Variants in ZNF678 observed in about 807,000 individuals in gnomAD.
The protein encoded by ZNF678 is zinc finger protein 678, also known as hypothetical protein MGC42493.
Under a neutral mutation model 3.0 loss-of-function variants are expected in ZNF678, and 5 were observed. The ratio of observed to expected loss-of-function variants is 1.69; its 90% CI spans 0.88 to 3.56. ZNF678 has a LOEUF of 3.56. Ranked by LOEUF, ZNF678 falls within the 30% of genes most tolerant of loss-of-function variation. The pLI, the probability that ZNF678 is intolerant of heterozygous loss-of-function variation, is 0.00. For synonymous variants in ZNF678, 218 were observed against 199.6 expected, an observed-to-expected ratio of 1.09 and a Z score of -0.78; for missense variants, 593 against 605.0, an observed-to-expected ratio of 0.98 and a Z score of 0.21.
chr1:227,654,176 A>G (rs941218023), intron 3 of ZNF678, among the ~76,000 whole-genome samples, 160 bp from the exon 4 acceptor site: 2 of 151,996 alleles, frequency 1.3e-5, no homozygotes, highest in Non-Finnish European at 2.9e-5. Context: ...TGGTCAGTAT[A>G]TTTTTGTTAA....
intron 1 of ZNF678, among the ~76,000 whole-genome samples, chr1:227,587,336 A>C (rs1443773963): frequency 6.6e-6 from 1 of 151,292 alleles, no homozygotes; most frequent in African/African-American, 2.4e-5. Flanking sequence ...TAGGAGGCAA[A>C]ACAAAACAAA....
At chr1:227,593,000 C>T (rs769959271) in intron 1 of ZNF678, among the ~76,000 whole-genome samples, 4 of 152,242 alleles carry the variant, frequency 2.6e-5, no homozygotes, top group Non-Finnish European at 5.9e-5. Flanking sequence ...GGTAAGTTTT[C>T]TCCTTGTCGT....
chr1:227,654,719 G>T lies in ZNF678; in HGVS notation c.469G>T (p.Glu157Ter). 2 of 1,613,134 alleles carry T rather than the reference G, an allele frequency of 1.2e-6. No individual in the cohort carries two copies. Among genetic ancestry groups the T allele is most frequent in the Non-Finnish European group, 8.5e-7 (1 of 1,179,398 alleles). Residue 157 changes from glutamate to a stop codon, truncating the protein, a stop_gained, in exon 4 of 4, where the codon GAA (glutamate) becomes TAA (stop). Transcript: ENST00000343776. LOFTEE classifies it low-confidence loss of function (END_TRUNC). ...HTGEKPYKCD[E>*]CGKVFNWWSQ... is the part of the protein sequence containing the mutation. ...TGGAGAGAAACCCTACAAATGTGAC[G>T]AATGTGGCAAAGTTTTTAATTGGTG...
intron 5 of ZNF678, among the ~76,000 whole-genome samples, chr1:227,670,811 CCT>C (rs910822152): frequency 2.6e-5 from 4 of 152,154 alleles, no homozygotes; most frequent in African/African-American, 4.8e-5. Context: ...CCATTCAACC[CCT>C]GTTTACTGCC....
At chr1:227,623,706 CTT>C (rs1658336705) in intron 1 of ZNF678, among the ~76,000 whole-genome samples, 1 of 152,084 alleles carries the variant, frequency 6.6e-6, no homozygotes, top group Admixed American at 6.6e-5. Flanking sequence ...TGCTGCATAA[CTT>C]TTGTAGTACA....
rs1310769683 is a variant in ZNF678, at chr1:227,655,311, G to T, written c.1061G>T (p.Cys354Phe). 1.2e-6 allele frequency: 2 copies of T among 1,611,140 alleles called. No homozygotes were observed. The highest frequency in any genetic ancestry group is 2.7e-5 in the African/African-American group (2 of 74,840). Residue 354 changes from cysteine (C) to phenylalanine (F), a missense_variant, in exon 4 of 4, where the codon TGT becomes TTT. Physicochemically the swap from Cys to Phe is radical, Grantham distance 205. Transcript: ENST00000343776. Reference protein sequence around the residue: ...TGEKPYKCEECGRTFTQFSNL... With the variant: ...TGEKPYKCEEFGRTFTQFSNL... ...GAGAAACCCTACAAATGTGAAGAAT[G>T]TGGCAGAACCTTTACTCAATTCTCA...
chr1:227,608,690 C>G (rs1170323350), intron 1 of ZNF678, among the ~76,000 whole-genome samples: 1 of 152,110 alleles, frequency 6.6e-6, no homozygotes, highest in African/African-American at 2.4e-5. Context: ...TATATAACAG[C>G]AAGTTTCTTC....
At chr1:227,598,600 A>G in intron 1 of ZNF678, 1 of 617,634 alleles carries the variant, frequency 1.6e-6, no homozygotes, top group East Asian at 3.2e-5. Flanking sequence ...TTGGATGATA[A>G]AGGTTTATCT....
intron 1 of ZNF678, among the ~76,000 whole-genome samples, chr1:227,580,655 C>T (rs892492510): frequency 2.0e-5 from 3 of 152,132 alleles, no homozygotes; most frequent in Non-Finnish European, 4.4e-5. Flanking sequence ...AAAGGCCAGG[C>T]ACGGTGGCTA....
At chr1:227,626,766 G>A (rs1052863639) in intron 1 of ZNF678, among the ~76,000 whole-genome samples, 4 of 152,144 alleles carry the variant, frequency 2.6e-5, no homozygotes, top group African/African-American at 7.2e-5. Context: ...CCTGAGGATT[G>A]TGGCCTCCGG....
In ZNF678 at chr1:227,656,397, T is replaced by C. The variant is rs1261711772; in HGVS notation, c.*569T>C. 1 of 151,888 alleles carries C rather than the reference T, an allele frequency of 6.6e-6. No individual in the cohort carries two copies. The highest frequency in any genetic ancestry group is 2.4e-5 in the African/African-American group (1 of 41,420). 9.4% of individuals were successfully genotyped at this position (151,888 alleles called of 1,614,324 possible). Reference sequence around the variant, plus strand: ...GCACAGTTACATTCATGTTATACTTTTTTGCATTAAAAGTTTTTATATTTT... The same window carrying C: ...GCACAGTTACATTCATGTTATACTTCTTTGCATTAAAAGTTTTTATATTTT... On this transcript the variant is annotated 3_prime_UTR_variant, in exon 4 of 4. Coordinates refer to ENST00000343776, the MANE Select transcript of ZNF678 (RefSeq NM_001367909.1).
At chr1:227,574,262 T>C (rs1656932146) in intron 1 of ZNF678, among the ~76,000 whole-genome samples, 1 of 152,232 alleles carries the variant, frequency 6.6e-6, no homozygotes, top group African/African-American at 2.4e-5. Context: ...TCTTCCACAA[T>C]AGCTGAACTA....
chr1:227,674,684 A>C (rs1337532957), intron 5 of ZNF678, among the ~76,000 whole-genome samples: 1 of 150,528 alleles, frequency 6.6e-6, no homozygotes, highest in African/African-American at 2.4e-5. Context: ...CTCACTGCAA[A>C]CTCTGCCTCC....
intron 1 of ZNF678, among the ~76,000 whole-genome samples, chr1:227,570,459 T>C (rs774790461): frequency 6.6e-6 from 1 of 152,230 alleles, no homozygotes; most frequent in East Asian, 1.9e-4. Context: ...TCAAAGGGCC[T>C]GTCTTCTCAA....
In ZNF678 at chr1:227,655,191, T is replaced by C; in HGVS notation, c.941T>C (p.Ile314Thr). ...QFASLTRHKR[I>T]HTGEKPYQCE... is the part of the protein sequence containing the mutation. ...GCAAGCCTTACTCGTCATAAAAGAA[T>C]TCATACTGGAGAAAAACCCTACCAA... is the stretch of plus-strand genomic sequence containing the variant. Residue 314 changes from isoleucine to threonine, a missense_variant, in exon 4 of 4, where the codon ATT becomes ACT. Coordinates refer to ENST00000343776, the MANE Select transcript of ZNF678 (RefSeq NM_001367909.1). The C allele has an allele frequency of 6.2e-7, 1 of 1,612,708 alleles. No individual in the cohort carries two copies. The highest frequency in any genetic ancestry group is 8.5e-7 in the Non-Finnish European group (1 of 1,179,464).
chr1:227,667,439 T>C (rs1197856144), downstream of ZNF678, among the ~76,000 whole-genome samples: 3 of 152,168 alleles, frequency 2.0e-5, no homozygotes, highest in East Asian at 1.9e-4. Flanking sequence ...CCTGCTGATA[T>C]ATAAATACCT....
At chr1:227,677,714 T>C (rs1270806784), downstream of ZNF678, among the ~76,000 whole-genome samples, 3 of 152,202 alleles carry the variant, frequency 2.0e-5, no homozygotes, top group Non-Finnish European at 2.9e-5. Context: ...CAGATAAATA[T>C]CTTTTCCCTG....
intron 1 of ZNF678, among the ~76,000 whole-genome samples, chr1:227,636,629 C>T (rs1215148383): frequency 1.3e-5 from 2 of 152,198 alleles, no homozygotes; most frequent in Admixed American, 6.5e-5. Flanking sequence ...TTTTGGCTTC[C>T]TCCTACCTTT....
intron 2 of ZNF678, among the ~76,000 whole-genome samples, chr1:227,647,003 A>G (rs1245981014): frequency 6.6e-6 from 1 of 152,192 alleles, no homozygotes; most frequent in Non-Finnish European, 1.5e-5. Context: ...GAGAACCTAT[A>G]TGTTTTTGGG....
Sources: gnomAD v4.1 joint callset for allele counts (sites outside exome capture counted in the v4.1 genomes callset) on GRCh38, gnomAD v4.1.1 for gene constraint, MANE v1.5 for transcripts, NCBI Gene and HGNC (gene_info 2026-07-23, HGNC 2026-07-21) for gene names.